Variants in RNF144B observed in about 807,000 individuals in gnomAD.
The protein encoded by RNF144B is E3 ubiquitin-protein ligase RNF144B.
Under a neutral mutation model 40.2 loss-of-function variants are expected in RNF144B, and 25 were observed. The ratio of observed to expected loss-of-function variants is 0.62; its 90% confidence interval spans 0.45 to 0.87. RNF144B has a LOEUF of 0.87. RNF144B is among the 40% of genes least tolerant of loss of function. The pLI, the probability that RNF144B is intolerant of heterozygous loss-of-function variation, is 0.00. For missense variants in RNF144B, 365 were observed against 373.7 expected, an observed-to-expected ratio of 0.98 and a Z score of 0.19; for synonymous variants, 145 against 136.3, an observed-to-expected ratio of 1.06 and a Z score of -0.44.
chr6:18,403,173 G>A (rs1794826162), intron 2 of RNF144B, among the ~76,000 whole-genome samples: 1 of 152,174 alleles, frequency 6.6e-6, no homozygotes, highest in Admixed American at 6.5e-5. Flanking sequence ...TTCTGGGTTT[G>A]CAATGCGTTC....
At chr6:18,449,533 A>C (rs1033440754) in intron 4 of RNF144B, among the ~76,000 whole-genome samples, 4 of 152,184 alleles carry the variant, frequency 2.6e-5, no homozygotes, top group African/African-American at 9.6e-5. Context: ...TCTAAAGATC[A>C]GTTGAAGTTT....
At chr6:18,401,399 G>T (rs1043283680) in intron 2 of RNF144B, among the ~76,000 whole-genome samples, 1 of 152,148 alleles carries the variant, frequency 6.6e-6, no homozygotes, top group South Asian at 2.1e-4. Context: ...CATTGTTAGG[G>T]AGTGCTCAAA....
rs756893425 is a variant in RNF144B, at chr6:18,450,648, C to G, written c.332-6507C>G. Among the ~76,000 whole-genome samples, 1 of 152,176 alleles carries G rather than the reference C, an allele frequency of 6.6e-6. No individual in the cohort carries two copies. The highest frequency in any genetic ancestry group is 1.5e-5 in the Non-Finnish European group (1 of 68,030). On this transcript the variant is annotated intron_variant, in intron 4 of 7. Transcript: ENST00000259939. The surrounding 1 kb of genome is among the most constrained non-coding windows in gnomAD (Gnocchi z 4.7). ...TACTTCCACCATGGCTAATTTTAAG[C>G]TACCAAGGTAATGTCACTGAACTTG...
rs188719754 is a variant in RNF144B, at chr6:18,466,339, A to G, written c.*1272A>G. 6.6e-6 allele frequency: 1 copy of G among 152,340 alleles called. No individual in the cohort carries two copies. Among genetic ancestry groups the G allele is most frequent in the Non-Finnish European group, 1.5e-5 (1 of 68,022 alleles). The allele number at this position is 152,340 out of a possible 1,614,324, so 9.4% of individuals were successfully genotyped here. A position where few individuals can be genotyped will look rare whatever the true frequency, so the allele number is the denominator to read the frequency against. On this transcript the variant is annotated 3_prime_UTR_variant, in exon 8 of 8. Transcript: ENST00000259939. ...GAATAGCTCTTTTCTCAGCATCATT[A>G]TTGCTCTTTCAGCATCTGTTAGGAC...
Position 18,406,269 on chromosome 6 carries a change from A to G in RNF144B, c.165+6570A>G, listed in dbSNP as rs6906391. ...TGTGGGGAAGAGGGACTTCTACTTT[A>G]TTAGATGATCAGGGAAGTCTCAGTG... On this transcript the variant is annotated intron_variant, in intron 2 of 7. Transcript: ENST00000259939. The surrounding 1 kb of genome is among the most constrained non-coding windows in gnomAD (Gnocchi z 4.2). Among the ~76,000 whole-genome samples the G allele has an allele frequency of 0.64, 97,868 of 151,882 alleles. 31,797 individuals are homozygous for G. The highest frequency in any genetic ancestry group is 0.69 in the Non-Finnish European group (47,201 of 67,958).
rs1202003553 is a variant in RNF144B, at chr6:18,422,415, ACTTC to A, written c.166-5165_166-5162del. Among the ~76,000 whole-genome samples the A allele has an allele frequency of 2.6e-5, 4 of 152,302 alleles. No individual in the cohort carries two copies. The East Asian group carries it at 7.7e-4, about 29-fold the overall frequency. On this transcript the variant is annotated intron_variant, in intron 2 of 7. Transcript: ENST00000259939. This position sits in a 1 kb window ranked among gnomAD's most constrained non-coding sequence, Gnocchi z 4.7. ...TTAGTCTACATTTTATGGAATATGT[ACTTC>A]AGTGTTTGCATTGTACCTGGAGTGA...
intron 2 of RNF144B, among the ~76,000 whole-genome samples, chr6:18,421,554 C>G (rs922770051): frequency 6.6e-6 from 1 of 152,020 alleles, no homozygotes; most frequent in African/African-American, 2.4e-5. Flanking sequence ...TTGCCTGTGA[C>G]AATGATAGCA....
chr6:18,449,982 C>T (rs1413661703), intron 4 of RNF144B, among the ~76,000 whole-genome samples: 3 of 152,130 alleles, frequency 2.0e-5, no homozygotes, highest in Non-Finnish European at 4.4e-5. Context: ...TATAAGTATT[C>T]TTTGTGCTTT....
chr6:18,413,847 G>GT (rs773374869), intron 2 of RNF144B, among the ~76,000 whole-genome samples: 1 of 152,140 alleles, frequency 6.6e-6, no homozygotes, highest in Non-Finnish European at 1.5e-5. Context: ...TAGGTAATGT[G>GT]TTAATTAAAG....
At chr6:18,440,445 C>T (rs1218428644) in intron 4 of RNF144B, among the ~76,000 whole-genome samples, 1 of 151,988 alleles carries the variant, frequency 6.6e-6, no homozygotes, top group Non-Finnish European at 1.5e-5. Context: ...AGTTATTGGA[C>T]TGGTCTAGTC....
At chr6:18,421,997 C>T (rs955512100) in intron 2 of RNF144B, among the ~76,000 whole-genome samples, 2 of 152,070 alleles carry the variant, frequency 1.3e-5, no homozygotes, top group Admixed American at 6.6e-5. Flanking sequence ...TATGGTTGGC[C>T]AACACCTACA....
chr6:18,390,141 G>A (rs1279608220), intron 1 of RNF144B, among the ~76,000 whole-genome samples: 1 of 152,124 alleles, frequency 6.6e-6, no homozygotes, highest in Non-Finnish European at 1.5e-5. Context: ...ACATTGCTTT[G>A]CCAGATTATA....
At position 18,448,376 on chromosome 6, in the gene RNF144B, A is replaced by C. The variant is rs899426221; in HGVS notation, c.331+8632A>C. Among the ~76,000 whole-genome samples the C allele has an allele frequency of 6.6e-6, 1 of 152,018 alleles. No homozygotes were observed. The highest frequency in any genetic ancestry group is 1.5e-5 in the Non-Finnish European group (1 of 68,000). ...GACATGGATGCAGGCAGCCTAGTAG[A>C]TTGGTCTGCATGGGTTCTCTTCTAG... On this transcript the variant is annotated intron_variant, in intron 4 of 7. Coordinates refer to ENST00000259939, the MANE Select transcript of RNF144B (RefSeq NM_182757.4). This position sits in a 1 kb window ranked among gnomAD's most constrained non-coding sequence, Gnocchi z 4.0.
At chr6:18,455,946 G>A (rs569371489) in intron 4 of RNF144B, among the ~76,000 whole-genome samples, 7 of 151,408 alleles carry the variant, frequency 4.6e-5, no homozygotes, top group South Asian at 4.2e-4. Context: ...TTTTTGAGAC[G>A]GAGTCTTGCT....
chr6:18,457,930 GT>G lies in RNF144B; in HGVS notation c.536+580del, dbSNP rs200087419. Among the ~76,000 whole-genome samples, 14 of 151,182 alleles carry G rather than the reference GT, an allele frequency of 9.3e-5. No individual in the cohort carries two copies. The highest frequency in any genetic ancestry group is 1.2e-4 in the Non-Finnish European group (8 of 67,720). On this transcript the variant is annotated intron_variant, in intron 5 of 7. Transcript: ENST00000259939. This position sits in a 1 kb window ranked among gnomAD's most constrained non-coding sequence, Gnocchi z 5.1. Reference sequence around the variant, plus strand: ...AATCTGTACCTTTTTAGTACAGCGGGTTTTTTTTTGTTTTGTTTTGTTTTTG... The same window carrying G: ...AATCTGTACCTTTTTAGTACAGCGGGTTTTTTTTGTTTTGTTTTGTTTTTG...
chr6:18,465,164 C>G lies in RNF144B; in HGVS notation c.*97C>G. ...GACCTTGCCTCCTTCTCCTTGCCAACTTTGAAAGTGCCTCCGTGTCCAGAC... is the reference window on the plus strand; with the variant it reads ...GACCTTGCCTCCTTCTCCTTGCCAAGTTTGAAAGTGCCTCCGTGTCCAGAC... On this transcript the variant is annotated 3_prime_UTR_variant, in exon 8 of 8. Coordinates refer to ENST00000259939, the MANE Select transcript of RNF144B (RefSeq NM_182757.4). 1.6e-6 allele frequency: 2 copies of G among 1,290,106 alleles called. No homozygotes were observed. Among genetic ancestry groups the G allele is most frequent in the Non-Finnish European group, 2.2e-6 (2 of 926,288 alleles). 79.9% of individuals were successfully genotyped at this position (1,290,106 alleles called of 1,614,324 possible).
chr6:18,423,841 T>C (rs1194410357), intron 2 of RNF144B, among the ~76,000 whole-genome samples: 1 of 152,210 alleles, frequency 6.6e-6, no homozygotes, highest in Non-Finnish European at 1.5e-5. Flanking sequence ...ATGTTGACTA[T>C]ACAAAAGAAA....
Position 18,399,543 on chromosome 6 carries a change from A to G in RNF144B, c.9A>G (p.Ser3=). MG[S]AGRLHYLAMT... ...ATGCTGAAGACAGGCTGATGGGCTCAGCTGGTAGGCTCCACTATCTCGCCA... is the reference window on the plus strand; with the variant it reads ...ATGCTGAAGACAGGCTGATGGGCTCGGCTGGTAGGCTCCACTATCTCGCCA... The change falls in exon 2 of 8, where the codon TCA becomes TCG. Residue 3 remains serine (S), a synonymous_variant. Coordinates refer to ENST00000259939, the MANE Select transcript of RNF144B (RefSeq NM_182757.4). The G allele has an allele frequency of 6.2e-7, 1 of 1,614,144 alleles. No homozygotes were observed. Among genetic ancestry groups the G allele is most frequent in the Non-Finnish European group, 8.5e-7 (1 of 1,179,998 alleles).
intron 3 of RNF144B, among the ~76,000 whole-genome samples, chr6:18,435,409 G>A (rs1256446816): frequency 6.6e-6 from 1 of 151,902 alleles, no homozygotes; most frequent in Non-Finnish European, 1.5e-5. Context: ...TTTAAAAAAT[G>A]AATAAATAGA....
Sources: gnomAD v4.1 joint callset for allele counts (sites outside exome capture counted in the v4.1 genomes callset) on GRCh38, gnomAD v4.1.1 for gene constraint, Gnocchi (gnomAD v3.1) non-coding constraint, MANE v1.5 for transcripts, NCBI Gene and HGNC (gene_info 2026-07-23, HGNC 2026-07-21) for gene names.